The following ADCY1 variants were observed in gnomAD, a reference collection of about 807,000 sequenced individuals.
ADCY1 encodes adenylate cyclase 1.
Under a neutral mutation model 105.4 loss-of-function variants are expected in ADCY1, and 28 were observed. The observed-to-expected ratio is 0.27, with a 90% confidence interval of 0.20 to 0.36. ADCY1 has a LOEUF of 0.36. Among genes scored for constraint, ADCY1 ranks in the 10% least tolerant of loss-of-function variants. The pLI is 1.00. For missense variants in ADCY1, 977 were observed against 1,434.2 expected, an observed-to-expected ratio of 0.68 and a Z score of 5.15; for synonymous variants, 655 against 623.8, an observed-to-expected ratio of 1.05 and a Z score of -0.75.
chr7:45,586,100 G>T (rs1484374277), intron 1 of ADCY1, among the ~76,000 whole-genome samples: 1 of 152,102 alleles, frequency 6.6e-6, no homozygotes, highest in Admixed American at 6.5e-5. Context: ...TCACTTTCCT[G>T]CTGGTGTCCT....
intron 1 of ADCY1, among the ~76,000 whole-genome samples, chr7:45,580,911 C>T (rs1188068763): frequency 6.6e-6 from 1 of 152,094 alleles, no homozygotes; most frequent in Non-Finnish European, 1.5e-5. Flanking sequence ...TTTTGGGGCT[C>T]ACGGTGGTTT....
At position 45,671,600 on chromosome 7, in the gene ADCY1, T is replaced by C. The variant is rs1361519503; in HGVS notation, c.1606-6269T>C. Among the ~76,000 whole-genome samples, 3 of 152,170 alleles carry C rather than the reference T, an allele frequency of 2.0e-5. 1 individual carries two copies. The highest frequency in any genetic ancestry group is 7.2e-5 in the African/African-American group (3 of 41,432). On this transcript the variant is annotated intron_variant, in intron 8 of 19. Coordinates refer to ENST00000297323, the MANE Select transcript of ADCY1 (RefSeq NM_021116.4). ...ATTTGGTGTTCTCTCTCTCTCTCTC[T>C]TAAATGTAGCTGTTCTAATAAGTAT...
At chr7:45,599,011 C>A (rs1423052714) in intron 2 of ADCY1, among the ~76,000 whole-genome samples, 1 of 152,188 alleles carries the variant, frequency 6.6e-6, no homozygotes, top group Non-Finnish European at 1.5e-5. Flanking sequence ...GCTGCTGTTT[C>A]ATGCACCAGG....
At chr7:45,659,668 G>A (rs1396043222) in intron 6 of ADCY1, among the ~76,000 whole-genome samples, 1 of 152,166 alleles carries the variant, frequency 6.6e-6, no homozygotes, top group Non-Finnish European at 1.5e-5. Flanking sequence ...CCATGGCTGG[G>A]GAGGGACTCC....
intron 8 of ADCY1, among the ~76,000 whole-genome samples, chr7:45,670,896 C>T (rs1181808600): frequency 2.0e-5 from 3 of 152,242 alleles, no homozygotes; most frequent in Non-Finnish European, 4.4e-5. Context: ...CAACCCTTCA[C>T]GTGAACTCTC....
chr7:45,579,049 T>G (rs1792438861), intron 1 of ADCY1, among the ~76,000 whole-genome samples: 1 of 152,296 alleles, frequency 6.6e-6, no homozygotes, highest in East Asian at 1.9e-4. Flanking sequence ...AGCTGAAATT[T>G]CCCTGTGCAG....
Position 45,657,714 on chromosome 7 carries a change from G to A in ADCY1, c.1149-13G>A. Reference sequence around the variant, plus strand: ...GGTGGGCCCTAGCCCCACGCTCTGTGTCTGTGTTGCAGATCTGTGGCTGAA... The same window carrying A: ...GGTGGGCCCTAGCCCCACGCTCTGTATCTGTGTTGCAGATCTGTGGCTGAA... On this transcript the variant is annotated splice_polypyrimidine_tract_variant and intron_variant, in intron 5 of 19. Coordinates refer to ENST00000297323, the MANE Select transcript of ADCY1 (RefSeq NM_021116.4). 6.2e-7 allele frequency: 1 copy of A among 1,611,810 alleles called. No individual in the cohort carries two copies. The highest frequency in any genetic ancestry group is 1.1e-5 in the South Asian group (1 of 90,406).
At chr7:45,693,620 G>A (rs2116230780) in intron 14 of ADCY1, among the ~76,000 whole-genome samples, 1 of 151,950 alleles carries the variant, frequency 6.6e-6, no homozygotes, top group Middle Eastern at 3.4e-3. Flanking sequence ...GTTTATTTGT[G>A]TAGAGGTGTT....
chr7:45,604,998 T>C (rs1793335835), intron 2 of ADCY1, among the ~76,000 whole-genome samples: 1 of 152,194 alleles, frequency 6.6e-6, no homozygotes, highest in Admixed American at 6.5e-5. Context: ...CTGATCTCTT[T>C]AATCAGTCTT....
Position 45,710,741 on chromosome 7 carries a change from T to C in ADCY1, c.3057+89T>C, listed in dbSNP as rs759882445. 6.7e-6 allele frequency: 10 copies of C among 1,483,136 alleles called. No homozygotes were observed. The highest frequency in any genetic ancestry group is 8.1e-6 in the Non-Finnish European group (9 of 1,108,584). The allele number at this position is 1,483,136 out of a possible 1,614,324, so 91.9% of individuals were successfully genotyped here. ...CAGGGGGCCAGAATTGAATCCCCAGTCTACAGCCCGTAAGTGGCAGGGCAG... is the reference window on the plus strand; with the variant it reads ...CAGGGGGCCAGAATTGAATCCCCAGCCTACAGCCCGTAAGTGGCAGGGCAG... On this transcript the variant is annotated intron_variant, in intron 19 of 19. Transcript: ENST00000297323. This position sits in a 1 kb window ranked among gnomAD's most constrained non-coding sequence, Gnocchi z 4.7.
intron 7 of ADCY1, 128 bp from the exon 8 acceptor site, chr7:45,661,931 G>A: frequency 1.7e-6 from 2 of 1,167,492 alleles, no homozygotes; most frequent in Non-Finnish European, 2.4e-6. Context: ...CTGGCTTGAA[G>A]TAGGCGCTGA....
rs1785429910 is a variant in ADCY1 at position 45,719,636 on chromosome 7, ATT to A, written c.*5642_*5643del. The A allele has an allele frequency of 6.6e-6, 1 of 152,264 alleles. No individual in the cohort carries two copies. The highest frequency in any genetic ancestry group is 1.5e-5 in the Non-Finnish European group (1 of 68,050). The allele number at this position is 152,264 out of a possible 1,614,324, so 9.4% of individuals were successfully genotyped here. A position where few individuals can be genotyped will look rare whatever the true frequency, so the allele number is the denominator to read the frequency against. ...AATTCAAATCCATGTGTGTGCCTGCATTACATGTGTGAACACGTGTTTCTGTC... is the reference window on the plus strand; with the variant it reads ...AATTCAAATCCATGTGTGTGCCTGCAACATGTGTGAACACGTGTTTCTGTC... On this transcript the variant is annotated 3_prime_UTR_variant, in exon 20 of 20. Transcript: ENST00000297323.
intron 4 of ADCY1, among the ~76,000 whole-genome samples, chr7:45,639,442 G>A (rs1422933726): frequency 6.6e-6 from 1 of 152,188 alleles, no homozygotes; most frequent in Non-Finnish European, 1.5e-5. Context: ...GTTGAACTAA[G>A]CATACAGTTC....
rs1336028120 is a variant in ADCY1, at chr7:45,710,104, A to G, written c.2933-424A>G. ...GGTCACATTCTGAGAAAAGGTCCGGAGCTGCTATTTTTCTGGAAGAGAGGA... is the reference window on the plus strand; with the variant it reads ...GGTCACATTCTGAGAAAAGGTCCGGGGCTGCTATTTTTCTGGAAGAGAGGA... On this transcript the variant is annotated intron_variant, in intron 18 of 19. Coordinates refer to ENST00000297323, the MANE Select transcript of ADCY1 (RefSeq NM_021116.4). The surrounding 1 kb of genome is among the most constrained non-coding windows in gnomAD (Gnocchi z 4.7). 6.6e-6 allele frequency among the ~76,000 whole-genome samples: 1 copy of G among 152,180 alleles called. No individual in the cohort carries two copies. The highest frequency in any genetic ancestry group is 2.4e-5 in the African/African-American group (1 of 41,426).
intron 8 of ADCY1, chr7:45,664,299 A>G: frequency 6.5e-7 from 1 of 1,536,164 alleles, no homozygotes; most frequent in Non-Finnish European, 8.7e-7. Flanking sequence ...GTTCAGATCC[A>G]TCCCTCACTG....
At chr7:45,694,115 T>TA (rs140981457) in intron 14 of ADCY1, among the ~76,000 whole-genome samples, 16,231 of 114,894 alleles carry the variant, frequency 0.14, 869 homozygotes, top group Non-Finnish European at 0.18. Context: ...TAGAGTATAA[T>TA]AAAAAAAAAA....
intron 5 of ADCY1, among the ~76,000 whole-genome samples, chr7:45,651,627 G>A (rs1017914084): frequency 4.6e-5 from 7 of 152,172 alleles, no homozygotes; most frequent in Non-Finnish European, 5.9e-5. Context: ...CCTCAGTAGC[G>A]AGGTCTGCAC....
In ADCY1 at chr7:45,647,742, TGTC is replaced by T. The variant is rs1286427464; in HGVS notation, c.1021-925_1021-923del. On this transcript the variant is annotated intron_variant, in intron 4 of 19. Transcript: ENST00000297323. This position sits in a 1 kb window ranked among gnomAD's most constrained non-coding sequence, Gnocchi z 4.6. ...ACTCATTGTCTTTTGTTTGGGGAAATGTCGTGATTTTTCATAAAATGTTATTTA... is the reference window on the plus strand; with the variant it reads ...ACTCATTGTCTTTTGTTTGGGGAAATGTGATTTTTCATAAAATGTTATTTA... Among the ~76,000 whole-genome samples the T allele has an allele frequency of 6.6e-6, 1 of 152,212 alleles. No individual in the cohort carries two copies. The highest frequency in any genetic ancestry group is 1.5e-5 in the Non-Finnish European group (1 of 68,036).
Position 45,703,671 on chromosome 7 carries a change from C to T in ADCY1, c.2643C>T (p.Tyr881=). ...CCATCCCCAACTTCAATGACTTCTACATCGAGCTGGACGGCAACAACATGG... is the reference window on the plus strand; with the variant it reads ...CCATCCCCAACTTCAATGACTTCTATATCGAGCTGGACGGCAACAACATGG... ...FASIPNFNDF[Y]IELDGNNMGV... Residue 881 remains tyrosine, a synonymous_variant, in exon 16 of 20, where the codon TAC becomes TAT. Transcript: ENST00000297323. This position sits in a 1 kb window ranked among gnomAD's most constrained non-coding sequence, Gnocchi z 5.9. The T allele has an allele frequency of 6.2e-7, 1 of 1,613,340 alleles. No individual in the cohort carries two copies.
Sources: allele counts gnomAD v4.1 joint callset (sites outside exome capture counted in the v4.1 genomes callset), GRCh38; gene constraint gnomAD v4.1.1; non-coding constraint Gnocchi (gnomAD v3.1); transcripts MANE v1.5; gene names NCBI Gene and HGNC (gene_info 2026-07-23, HGNC 2026-07-21).